The following SPACDR variants were observed in gnomAD, a reference collection of about 807,000 sequenced individuals.
The protein encoded by SPACDR is sperm acrosome developmental regulator.
the SPACDR span, chr7:100,464,096 G>C: frequency 6.9e-7 from 1 of 1,448,612 alleles, no homozygotes; most frequent in South Asian, 1.3e-5. Flanking sequence ...GGCGGGTGGG[G>C]GATGGGGTGG....
chr7:100,457,978 C>A, the SPACDR span, among the ~76,000 whole-genome samples: 3 of 151,026 alleles, frequency 2.0e-5, no homozygotes, highest in Admixed American at 1.3e-4. Context: ...TCGCCACGCT[C>A]GGCTTAAACT....
the SPACDR span, among the ~76,000 whole-genome samples, chr7:100,459,748 C>T: frequency 2.0e-5 from 3 of 152,096 alleles, no homozygotes; most frequent in South Asian, 4.1e-4. Context: ...ACAGGTGTGT[C>T]GCTGCTCCTG....
the SPACDR span, among the ~76,000 whole-genome samples, chr7:100,458,583 G>A: frequency 1.1e-4 from 17 of 152,034 alleles, no homozygotes; most frequent in Non-Finnish European, 1.3e-4. Flanking sequence ...TAATATAAAC[G>A]GAATCATTCA....
chr7:100,463,652 A>G, the SPACDR span: 1 of 1,613,866 alleles, frequency 6.2e-7, no homozygotes, highest in Non-Finnish European at 8.5e-7. Context: ...GTGTCCTGAG[A>G]TGGTTGGTTT....
At chr7:100,463,916 C>A in the SPACDR span, 1 of 1,579,118 alleles carries the variant, frequency 6.3e-7, no homozygotes, top group Non-Finnish European at 8.6e-7. Context: ...GCGACCCATG[C>A]CCTCATCCCA....
chr7:100,456,627 T>G, the SPACDR span: 1 of 740,390 alleles, frequency 1.4e-6, no homozygotes, highest in East Asian at 2.7e-5. Flanking sequence ...GACTCAGAAC[T>G]ATCTGATATT....
the SPACDR span, among the ~76,000 whole-genome samples, chr7:100,461,769 C>T: frequency 6.6e-6 from 1 of 151,870 alleles, no homozygotes; most frequent in East Asian, 1.9e-4. Context: ...GCGGACAGAT[C>T]ACGAGGTCAG....
chr7:100,457,799 A>ATGTGTGTGTGTGTG, the SPACDR span, among the ~76,000 whole-genome samples: 281 of 45,636 alleles, frequency 6.2e-3, 1 homozygote, highest in South Asian at 0.01. Context: ...TTTTATATAT[A>ATGTGTGTGTGTGTG]TATATGTGTG....
the SPACDR span, chr7:100,456,727 ACT>A: frequency 6.7e-7 from 1 of 1,501,300 alleles, no homozygotes; most frequent in Non-Finnish European, 9.0e-7. Flanking sequence ...TGAGGTCAGG[ACT>A]CTCTAAGGGT....
chr7:100,463,118 A>G, the SPACDR span, among the ~76,000 whole-genome samples: 1 of 150,998 alleles, frequency 6.6e-6, no homozygotes, highest in Non-Finnish European at 1.5e-5. Flanking sequence ...AGAAAAAAAA[A>G]AAAGAAAGGA....
At chr7:100,459,001 CTTTT>C in the SPACDR span, among the ~76,000 whole-genome samples, 4 of 135,282 alleles carry the variant, frequency 3.0e-5, no homozygotes, top group African/African-American at 8.6e-5. Context: ...TCCTTTTTAC[CTTTT>C]TTTTTTTTTT....
At chr7:100,463,751 C>T in the SPACDR span, 1 of 1,445,488 alleles carries the variant, frequency 6.9e-7, no homozygotes, top group Non-Finnish European at 9.7e-7. Flanking sequence ...ACACCATCCA[C>T]AGAAAAGAAG....
the SPACDR span, among the ~76,000 whole-genome samples, chr7:100,458,036 T>A: frequency 6.6e-6 from 1 of 151,572 alleles, no homozygotes; most frequent in Non-Finnish European, 1.5e-5. Flanking sequence ...CTGACTGACC[T>A]GCAATTGGAA....
At chr7:100,464,115 C>G in the SPACDR span, 1 of 1,541,782 alleles carries the variant, frequency 6.5e-7, no homozygotes, top group Non-Finnish European at 8.7e-7. Context: ...GGGCTGTGGG[C>G]CGGTGACCAC....
At chr7:100,463,578 T>A in the SPACDR span, 1 of 1,613,956 alleles carries the variant, frequency 6.2e-7, no homozygotes, top group Non-Finnish European at 8.5e-7. Context: ...TCGACCAACC[T>A]CAAAGTCTCA....
chr7:100,457,618 CTTTTTTTTTT>C, the SPACDR span, among the ~76,000 whole-genome samples: 1 of 93,526 alleles, frequency 1.1e-5, no homozygotes, highest in Non-Finnish European at 2.1e-5. Flanking sequence ...CATGCCTGGC[CTTTTTTTTTT>C]TTTTTTTTTT....
At chr7:100,456,831 C>T in the SPACDR span, 12 of 1,613,194 alleles carry the variant, frequency 7.4e-6, 1 homozygote, top group Middle Eastern at 1.7e-4. Flanking sequence ...GACGTGGTGC[C>T]GTCTGTGCCT....
chr7:100,457,323 T>C, the SPACDR span, among the ~76,000 whole-genome samples: 1 of 151,522 alleles, frequency 6.6e-6, no homozygotes. Flanking sequence ...TATTCTTCTT[T>C]TTTTTGTTGT....
chr7:100,456,760 G>A, the SPACDR span: 29 of 1,607,752 alleles, frequency 1.8e-5, no homozygotes, highest in Non-Finnish European at 2.4e-5. Context: ...CCCTAGAGGG[G>A]ACTTTGGGCA....
Sources: allele counts gnomAD v4.1 joint callset (sites outside exome capture counted in the v4.1 genomes callset), GRCh38; gene constraint gnomAD v4.1.1; transcripts MANE v1.5; gene names NCBI Gene and HGNC (gene_info 2026-07-23, HGNC 2026-07-21).